NDUFA10: variants seen among roughly 807,000 people sequenced by gnomAD.
NDUFA10 encodes the protein NADH:ubiquinone oxidoreductase subunit A10.
NDUFA10 carries 40 observed loss-of-function variants against 47.8 expected under a neutral mutation model. The ratio of observed to expected loss-of-function variants is 0.84; its 90% CI spans 0.65 to 1.09. The LOEUF (loss-of-function observed/expected upper bound fraction) is 1.09, where lower values mean the gene tolerates loss of function less well. Among genes scored for constraint, NDUFA10 ranks in the 50% least tolerant of loss-of-function variants. The pLI, the probability that NDUFA10 is intolerant of heterozygous loss-of-function variation, is 0.00. For missense variants in NDUFA10, 413 were observed against 451.1 expected (o/e 0.92, Z 0.76); for synonymous variants, 183 against 172.2 (o/e 1.06, Z -0.49).
intron 8 of NDUFA10, among the ~76,000 whole-genome samples, chr2:239,990,797 A>T: frequency 6.6e-6 from 1 of 152,170 alleles, no homozygotes; most frequent in Non-Finnish European, 1.5e-5. Flanking sequence ...CATTTTGCTG[A>T]ATGTTAAAAT....
downstream of NDUFA10, among the ~76,000 whole-genome samples, chr2:239,956,948 C>T (rs755706940): frequency 5.3e-5 from 8 of 152,190 alleles, no homozygotes; most frequent in Non-Finnish European, 1.0e-4. Flanking sequence ...CTCTCCCTGA[C>T]GCGTGTGGAG....
intron 9 of NDUFA10, 22 bp from the exon 10 acceptor site, chr2:239,961,208 G>A (rs1455466682): frequency 1.1e-5 from 18 of 1,614,000 alleles, no homozygotes; most frequent in Non-Finnish European, 1.4e-5. Context: ...AAAGGCATTG[G>A]TGCATTCTGT....
At chr2:239,983,662 C>A (rs764410023) in intron 9 of NDUFA10, 4 of 1,579,126 alleles carry the variant, frequency 2.5e-6, no homozygotes, top group East Asian at 2.3e-5. Flanking sequence ...CAGCAAGTGC[C>A]CCTGATGCTT....
Position 239,981,608 on chromosome 2 carries a change from A to C in NDUFA10, c.999+8466T>G, listed in dbSNP as rs1474243105. Among the ~76,000 whole-genome samples the C allele has an allele frequency of 2.6e-5, 4 of 152,350 alleles. No homozygotes were observed. In the East Asian group the frequency reaches 7.7e-4, roughly 29 times the overall value. The stretch of plus-strand genomic sequence containing the variant: ...AAGACTATAATCCTTAATCTAAAGA[A>C]TAAAGGTCAAAGCATTACTCGTTTT... On this transcript the variant is annotated intron_variant, in intron 9 of 9. Transcript: ENST00000252711.
In NDUFA10 at chr2:239,960,215, G is replaced by A. The variant is rs902936788; in HGVS notation, c.*903C>T. 49 of 985,362 alleles carry A rather than the reference G, an allele frequency of 5.0e-5. No individual in the cohort carries two copies. The highest frequency in any genetic ancestry group is 5.2e-4 in the Middle Eastern group (1 of 1,936). 61.0% of individuals were successfully genotyped at this position (985,362 alleles called of 1,614,324 possible). On this transcript the variant is annotated 3_prime_UTR_variant, in exon 10 of 10. Transcript: ENST00000252711. ...GGAGCTTTACAGTGGAAAACCCACA[G>A]TTCAGTAGGACTCACAACTGACAGC...
chr2:239,929,534 C>T (rs1694122987), intron 4 of NDUFA10, among the ~76,000 whole-genome samples: 1 of 152,172 alleles, frequency 6.6e-6, no homozygotes, highest in South Asian at 2.1e-4. Flanking sequence ...GGCTAGTGCA[C>T]CTCACAAGCC....
intron 4 of NDUFA10, among the ~76,000 whole-genome samples, chr2:239,909,775 T>C (rs1031793815): frequency 6.6e-6 from 1 of 152,224 alleles, no homozygotes; most frequent in Non-Finnish European, 1.5e-5. Flanking sequence ...AAAGAGCTTC[T>C]GCACAGCAAA....
At chr2:239,938,228 G>A (rs1289344260) in intron 4 of NDUFA10, among the ~76,000 whole-genome samples, 1 of 152,214 alleles carries the variant, frequency 6.6e-6, no homozygotes, top group African/African-American at 2.4e-5. Flanking sequence ...GTAGCTCACA[G>A]CACCGTGATA....
chr2:239,914,596 GAC>G (rs1175757493), intron 4 of NDUFA10, among the ~76,000 whole-genome samples: 2 of 114,188 alleles, frequency 1.8e-5, no homozygotes, highest in African/African-American at 8.0e-5. Flanking sequence ...TACATACATA[GAC>G]ACACACAAAT....
intron 4 of NDUFA10, among the ~76,000 whole-genome samples, chr2:239,942,622 T>A (rs1032595099): frequency 6.6e-6 from 1 of 150,732 alleles, no homozygotes; most frequent in African/African-American, 2.4e-5. Flanking sequence ...ACAGGAATAT[T>A]TTTTTTTTCT....
chr2:239,970,726 G>A (rs757108116), intron 9 of NDUFA10, among the ~76,000 whole-genome samples: 9 of 152,196 alleles, frequency 5.9e-5, no homozygotes, highest in Non-Finnish European at 8.8e-5. Context: ...AGAGTTGCCC[G>A]TGGTGAAACC....
intron 4 of NDUFA10, among the ~76,000 whole-genome samples, chr2:239,911,461 G>C (rs898555257): frequency 6.6e-6 from 1 of 152,118 alleles, no homozygotes; most frequent in Non-Finnish European, 1.5e-5. Flanking sequence ...ACCAAGAAAG[G>C]AGAAGTTGCC....
intron 9 of NDUFA10, among the ~76,000 whole-genome samples, chr2:239,969,093 T>C (rs1695208196): frequency 6.6e-6 from 1 of 152,190 alleles, no homozygotes; most frequent in African/African-American, 2.4e-5. Context: ...TTGCAACGTA[T>C]GGCAAAGCAA....
intron 4 of NDUFA10, among the ~76,000 whole-genome samples, chr2:239,927,068 AC>A (rs1694078678): frequency 6.6e-6 from 1 of 152,110 alleles, no homozygotes. Context: ...CCCTCCCACA[AC>A]ACATGGGGAT....
intron 4 of NDUFA10, among the ~76,000 whole-genome samples, chr2:239,924,458 A>T (rs556024305): frequency 1.3e-5 from 2 of 152,236 alleles, no homozygotes; most frequent in African/African-American, 4.8e-5. Context: ...TTATCATATC[A>T]ATTGATGATG....
chr2:240,001,587 T>C (rs1574871178), intron 8 of NDUFA10, among the ~76,000 whole-genome samples: 1 of 152,360 alleles, frequency 6.6e-6, no homozygotes, highest in East Asian at 1.9e-4. Context: ...GGGATCCTTC[T>C]GACCTGGTTA....
chr2:239,911,947 G>C (rs1381358778), intron 4 of NDUFA10, among the ~76,000 whole-genome samples: 4 of 152,112 alleles, frequency 2.6e-5, no homozygotes, highest in Admixed American at 2.6e-4. Flanking sequence ...AACAGCCCTG[G>C]GGGGTTTCCT....
downstream of NDUFA10, among the ~76,000 whole-genome samples, chr2:239,956,514 G>GC (rs1694656822): frequency 6.6e-6 from 1 of 152,234 alleles, no homozygotes; most frequent in African/African-American, 2.4e-5. Flanking sequence ...GCTGCCTGCT[G>GC]CAATACTGAG....
In NDUFA10 at chr2:239,936,197, T is replaced by C. The variant is rs11674432; in HGVS notation, c.295-40883A>G. On this transcript the variant is annotated intron_variant, in intron 4 of 5. Coordinates refer to the NDUFA10 transcript ENST00000419408. ...GCCAAGCGGAGGTGTGGGCAGCAGA[T>C]GCCCTGTGCATGCTGACTCACACAA... Among the ~76,000 whole-genome samples the C allele has an allele frequency of 2.6e-5, 4 of 152,228 alleles. No homozygotes were observed. The South Asian group carries it at 6.2e-4, about 24-fold the overall frequency.
Sources: gnomAD v4.1 joint callset for allele counts (sites outside exome capture counted in the v4.1 genomes callset) on GRCh38, gnomAD v4.1.1 for gene constraint, MANE v1.5 for transcripts, NCBI Gene and HGNC (gene_info 2026-07-23, HGNC 2026-07-21) for gene names.